Variants in TAFA3 observed in about 807,000 individuals in gnomAD.
TAFA3 encodes the protein TAFA chemokine like family member 3, also known as chemokine-like protein TAFA-3.
In TAFA3, 17 loss-of-function variants were observed where a neutral mutation model predicts 20.7. That is an observed-to-expected ratio of 0.82 (90% CI 0.56 to 1.23). The LOEUF (loss-of-function observed/expected upper bound fraction) is 1.23. Ranked by LOEUF, TAFA3 falls within the 50% of genes most tolerant of loss-of-function variation. TAFA3 has a pLI of 0.00. For missense variants in TAFA3, 174 were observed against 172.8 expected (o/e 1.01, Z -0.04); for synonymous variants, 74 against 71.8 (o/e 1.03, Z -0.16).
At chr1:112,725,991 G>C (rs1391011015) in intron 5 of TAFA3, among the ~76,000 whole-genome samples, 9 of 152,162 alleles carry the variant, frequency 5.9e-5, no homozygotes, top group Non-Finnish European at 1.0e-4. Flanking sequence ...ACAAAAATTA[G>C]CTGGGCATAA....
Position 112,723,135 on chromosome 1 carries a change from A to G in TAFA3, c.235A>G (p.Thr79Ala). The change falls in exon 4 of 6, where the codon ACC becomes GCC. Residue 79 changes from threonine to alanine, a missense_variant. Coordinates refer to ENST00000361886, the MANE Select transcript of TAFA3 (RefSeq NM_182759.3). ...CSCFSGQVAG[T>A]TRAKPSCVDA... Reference sequence around the variant, plus strand: ...CTGTTTTTCTGGCCAGGTGGCCGGCACCACGCGGGCAAAGCCCTCCTGCGT... The same window carrying G: ...CTGTTTTTCTGGCCAGGTGGCCGGCGCCACGCGGGCAAAGCCCTCCTGCGT... 6.2e-7 allele frequency: 1 copy of G among 1,613,196 alleles called. No individual in the cohort carries two copies. The highest frequency in any genetic ancestry group is 1.1e-5 in the South Asian group (1 of 90,968).
chr1:112,725,406 A>AAAC (rs1557789383), intron 5 of TAFA3, among the ~76,000 whole-genome samples: 202 of 93,296 alleles, frequency 2.2e-3, no homozygotes, highest in African/African-American at 7.4e-3. Context: ...AAAAAAAAAA[A>AAAC]AAAAAAAAAC....
rs1675361716 is a variant in TAFA3 at position 112,722,838 on chromosome 1, G to A, written c.116-178G>A. ...ACAGGCCTCACAGGGGAGGGAGGAA[G>A]AATAGGAGCTCTGTGAAGCGGCGGG... On this transcript the variant is annotated intron_variant, in intron 3 of 5. Transcript: ENST00000361886. Among the ~76,000 whole-genome samples the A allele has an allele frequency of 2.6e-5, 4 of 152,238 alleles. No individual in the cohort carries two copies. In the South Asian group the frequency reaches 8.3e-4, roughly 32 times the overall value.
intron 5 of TAFA3, among the ~76,000 whole-genome samples, chr1:112,725,438 T>G (rs1168557757): frequency 6.8e-6 from 1 of 147,098 alleles, no homozygotes; most frequent in Non-Finnish European, 1.5e-5. Context: ...TGGGAAAAAT[T>G]ATAAGATAAT....
intron 4 of TAFA3, among the ~76,000 whole-genome samples, chr1:112,723,461 G>T (rs1205863022): frequency 6.6e-6 from 1 of 151,996 alleles, no homozygotes; most frequent in East Asian, 1.9e-4. Context: ...ACTTCCTCCA[G>T]CTCCTTCCCC....
chr1:112,724,954 G>A (rs1675433432), intron 5 of TAFA3, among the ~76,000 whole-genome samples: 1 of 151,742 alleles, frequency 6.6e-6, no homozygotes, highest in Non-Finnish European at 1.5e-5. Flanking sequence ...CATCAAAGCA[G>A]TATTCATAAT....
In TAFA3 at chr1:112,726,962, C is replaced by T. The variant is rs558466552; in HGVS notation, c.*322C>T. The T allele has an allele frequency of 1.0e-4, 36 of 351,094 alleles. No homozygotes were observed. Among genetic ancestry groups the T allele is most frequent in the East Asian group, 3.9e-4 (7 of 17,848 alleles). The allele number at this position is 351,094 out of a possible 1,614,324, so 21.7% of individuals were successfully genotyped here. On this transcript the variant is annotated 3_prime_UTR_variant, in exon 6 of 6. Transcript: ENST00000361886. ...GGTTAAAGTACTTGATACCAGACTG[C>T]GGCTTCTGGGCCACATGCTATGGCA...
At chr1:112,724,551 G>A (rs1235895938) in intron 5 of TAFA3, among the ~76,000 whole-genome samples, 7 of 139,584 alleles carry the variant, frequency 5.0e-5, no homozygotes, top group East Asian at 2.1e-4. Flanking sequence ...ACCAAACACC[G>A]CATATTCTCA....
At chr1:112,722,135 T>C in intron 2 of TAFA3, 98 bp from the exon 3 acceptor site, 13 of 1,285,626 alleles carry the variant, frequency 1.0e-5, no homozygotes, top group Non-Finnish European at 1.3e-5. Context: ...CTCCTCCCCA[T>C]CTTTGTGCCT....
intron 1 of TAFA3, among the ~76,000 whole-genome samples, chr1:112,720,020 G>A (rs1042842257): frequency 3.3e-5 from 5 of 152,182 alleles, no homozygotes; most frequent in Non-Finnish European, 5.9e-5. Context: ...AGCTATTGGA[G>A]GCTGTGGCCT....
At chr1:112,726,499 G>T in intron 5 of TAFA3, 130 bp from the exon 6 acceptor site, 1 of 903,814 alleles carries the variant, frequency 1.1e-6, no homozygotes. Flanking sequence ...TTCCCATTCC[G>T]GCCTGCTTTA....
chr1:112,726,010 G>A (rs77009174), intron 5 of TAFA3, among the ~76,000 whole-genome samples: 34,356 of 152,108 alleles, frequency 0.23, 4,524 homozygotes, highest in South Asian at 0.4. Context: ...AATGGCACAC[G>A]CCTGTAATCC....
intron 5 of TAFA3, 42 bp from the exon 6 acceptor site, chr1:112,726,587 G>A: frequency 6.2e-7 from 1 of 1,606,196 alleles, no homozygotes; most frequent in Non-Finnish European, 8.5e-7. Flanking sequence ...GAATGGAATA[G>A]GCATTCCCTT....
At chr1:112,723,967 T>C in intron 4 of TAFA3, 46 bp from the exon 5 acceptor site, 2 of 1,613,778 alleles carry the variant, frequency 1.2e-6, no homozygotes, top group Non-Finnish European at 1.7e-6. Context: ...CTGCCCACTG[T>C]GCTCGTAGAG....
At chr1:112,722,881 C>G (rs1675362743) in intron 3 of TAFA3, 135 bp from the exon 4 acceptor site, 7 of 1,135,676 alleles carry the variant, frequency 6.2e-6, no homozygotes, top group Non-Finnish European at 8.5e-6. Context: ...CATCCACTTC[C>G]TCCTCCCCTG....
chr1:112,724,265 A>G, intron 5 of TAFA3, 128 bp downstream of exon 5: 1 of 866,652 alleles, frequency 1.2e-6, no homozygotes, highest in South Asian at 1.8e-5. Context: ...CATGAAATTC[A>G]CAGACAGTCC....
At chr1:112,725,516 G>A (rs923679004) in intron 5 of TAFA3, among the ~76,000 whole-genome samples, 5 of 151,140 alleles carry the variant, frequency 3.3e-5, no homozygotes, top group Non-Finnish European at 5.9e-5. Flanking sequence ...CACCTCTGCC[G>A]TGACCATCCC....
At chr1:112,723,866 C>A (rs530206818) in intron 4 of TAFA3, 147 bp from the exon 5 acceptor site, 3 of 1,531,128 alleles carry the variant, frequency 2.0e-6, no homozygotes, top group South Asian at 2.4e-5. Context: ...CCTCTCTGGG[C>A]AGCCTGGAGT....
chr1:112,719,800 G>A (rs1412236146), intron 1 of TAFA3, among the ~76,000 whole-genome samples: 4 of 152,152 alleles, frequency 2.6e-5, no homozygotes, highest in Admixed American at 2.6e-4. Flanking sequence ...GGCACATCTA[G>A]AAGAGTGGGA....
Sources: allele counts gnomAD v4.1 joint callset (sites outside exome capture counted in the v4.1 genomes callset), GRCh38; gene constraint gnomAD v4.1.1; transcripts MANE v1.5; gene names NCBI Gene and HGNC (gene_info 2026-07-23, HGNC 2026-07-21).